The following SLC30A8 variants were observed in gnomAD, a reference collection of about 807,000 sequenced individuals.
SLC30A8 encodes the protein proton-coupled zinc antiporter SLC30A8.
SLC30A8 carries 27 observed loss-of-function variants against 36.9 expected under a neutral mutation model. That is an observed-to-expected ratio of 0.73 (90% CI 0.54 to 1.01). The LOEUF is 1.01. Ranked by LOEUF, SLC30A8 falls within the 50% of genes least tolerant of loss-of-function variation. The pLI is 0.00. For synonymous variants in SLC30A8, 164 were observed against 172.4 expected (o/e 0.95, Z 0.38); for missense variants, 439 against 452.0 (o/e 0.97, Z 0.26).
chr8:117,085,492 A>C (rs1457089641), intron 2 of SLC30A8, among the ~76,000 whole-genome samples: 1 of 152,332 alleles, frequency 6.6e-6, no homozygotes, highest in East Asian at 1.9e-4. Flanking sequence ...AGAATTATTC[A>C]ACTCTGAAGC....
chr8:117,162,617 T>G (rs1219207920), intron 5 of SLC30A8, among the ~76,000 whole-genome samples: 1 of 152,196 alleles, frequency 6.6e-6, no homozygotes. Flanking sequence ...ATTGTCTGAT[T>G]TGCAGAGACT....
intron 7 of SLC30A8, among the ~76,000 whole-genome samples, chr8:117,171,422 G>A (rs907937863): frequency 1.1e-4 from 17 of 152,102 alleles, no homozygotes; most frequent in African/African-American, 4.8e-5. Flanking sequence ...AAATGCACCC[G>A]CCACTTCAAG....
chr8:117,145,998 G>A lies in SLC30A8; in HGVS notation c.72-956G>A, dbSNP rs542897590. Among the ~76,000 whole-genome samples the A allele has an allele frequency of 1.7e-3, 253 of 152,238 alleles. 3 individuals carry two copies. Among genetic ancestry groups the A allele is most frequent in the African/African-American group, 5.9e-3 (244 of 41,548 alleles). On this transcript the variant is annotated intron_variant, in intron 1 of 7. Transcript: ENST00000456015. Reference sequence around the variant, plus strand: ...GAGGAGGAAGGTATGAAGCAAGGTTGATTAATGGGTACAAATGTATGATTT... The same window carrying A: ...GAGGAGGAAGGTATGAAGCAAGGTTAATTAATGGGTACAAATGTATGATTT...
chr8:117,031,244 A>C (rs1817034482), intron 1 of SLC30A8, among the ~76,000 whole-genome samples: 1 of 152,192 alleles, frequency 6.6e-6, no homozygotes, highest in Admixed American at 6.5e-5. Context: ...TAATCTTCCC[A>C]AAATCCTACA....
intron 1 of SLC30A8, chr8:117,146,733 TTGAC>T (rs1821913355): frequency 2.8e-6 from 3 of 1,079,598 alleles, no homozygotes; most frequent in Non-Finnish European, 2.5e-6. Context: ...GAATAAGAGT[TTGAC>T]TGAATAAAAG....
intron 1 of SLC30A8, among the ~76,000 whole-genome samples, chr8:117,027,151 C>T (rs1816902027): frequency 6.6e-6 from 1 of 152,108 alleles, no homozygotes; most frequent in Non-Finnish European, 1.5e-5. Flanking sequence ...CTGGCTGGGC[C>T]ATCATCCAAA....
At position 117,078,171 on chromosome 8, in the gene SLC30A8, A is replaced by AAGGC. The variant is rs1180681270; in HGVS notation, c.-226+38916_-226+38919dup. The stretch of plus-strand genomic sequence containing the variant: ...ATATAATATAAAAATTCTAAGTGAT[A>AAGGC]AGGCAGTCTTAGGTTATAGTTTAAT... On this transcript the variant is annotated intron_variant, in intron 2 of 10. Transcript: ENST00000427715. 1.3e-5 allele frequency among the ~76,000 whole-genome samples: 2 copies of AAGGC among 152,248 alleles called. 1 individual carries two copies. Among genetic ancestry groups the AAGGC allele is most frequent in the Non-Finnish European group, 2.9e-5 (2 of 68,042 alleles).
chr8:117,121,511 C>G (rs1444813255), intron 2 of SLC30A8, among the ~76,000 whole-genome samples: 1 of 151,906 alleles, frequency 6.6e-6, no homozygotes, highest in Non-Finnish European at 1.5e-5. Context: ...GTTGTGTCCT[C>G]ACATGATTCT....
chr8:117,000,727 T>C (rs1815982156), intron 1 of SLC30A8, among the ~76,000 whole-genome samples: 1 of 152,172 alleles, frequency 6.6e-6, no homozygotes, highest in African/African-American at 2.4e-5. Context: ...TTGTTCTAAG[T>C]GGTTTAATAG....
chr8:117,075,506 C>T (rs1170111078), intron 2 of SLC30A8, among the ~76,000 whole-genome samples: 1 of 152,204 alleles, frequency 6.6e-6, no homozygotes, highest in Non-Finnish European at 1.5e-5. Context: ...ATACCAACAA[C>T]TTCCTTTCCT....
chr8:117,168,027 A>G (rs1823151292), intron 6 of SLC30A8, among the ~76,000 whole-genome samples: 1 of 152,126 alleles, frequency 6.6e-6, no homozygotes, highest in Non-Finnish European at 1.5e-5. Flanking sequence ...TCCCATTTGT[A>G]AAACCATCAG....
intron 3 of SLC30A8, among the ~76,000 whole-genome samples, chr8:117,155,626 G>A (rs17813200): frequency 2.0e-5 from 3 of 152,076 alleles, no homozygotes; most frequent in South Asian, 4.2e-4. Flanking sequence ...GAATGAGGTC[G>A]GGGAAATAAT....
intron 2 of SLC30A8, among the ~76,000 whole-genome samples, chr8:117,049,936 C>G (rs569261764): frequency 3.9e-5 from 6 of 152,304 alleles, no homozygotes; most frequent in African/African-American, 1.4e-4. Flanking sequence ...CATCTGGGAT[C>G]TATTTTAAAG....
intron 1 of SLC30A8, among the ~76,000 whole-genome samples, chr8:116,970,099 T>G (rs929885795): frequency 6.6e-6 from 1 of 152,090 alleles, no homozygotes; most frequent in Non-Finnish European, 1.5e-5. Flanking sequence ...AAATATTTTC[T>G]TTATATTCTT....
At chr8:117,079,865 T>C (rs1818609665) in intron 2 of SLC30A8, among the ~76,000 whole-genome samples, 1 of 152,210 alleles carries the variant, frequency 6.6e-6, no homozygotes, top group South Asian at 2.1e-4. Context: ...GTCAATTCTT[T>C]TTTGTTTAGA....
At chr8:117,112,733 A>G (rs568134366) in intron 2 of SLC30A8, among the ~76,000 whole-genome samples, 2 of 152,298 alleles carry the variant, frequency 1.3e-5, no homozygotes, top group Non-Finnish European at 2.9e-5. Flanking sequence ...ATGCAATTGC[A>G]TAAGAAAATG....
intron 2 of SLC30A8, among the ~76,000 whole-genome samples, chr8:117,054,098 C>CTTTTTT (rs4060800): frequency 0.025 from 3,124 of 123,874 alleles, 236 homozygotes; most frequent in African/African-American, 0.088. Context: ...CTGCAAAAAT[C>CTTTTTT]TTTTTTTTTT....
intron 6 of SLC30A8, among the ~76,000 whole-genome samples, chr8:117,168,797 T>A (rs1433064547): frequency 6.6e-6 from 1 of 152,156 alleles, no homozygotes; most frequent in African/African-American, 2.4e-5. Context: ...TAGACTCTAG[T>A]ATTTGCGTAA....
chr8:116,975,146 A>G (rs1390633461), intron 1 of SLC30A8, among the ~76,000 whole-genome samples: 1 of 152,122 alleles, frequency 6.6e-6, no homozygotes, highest in Non-Finnish European at 1.5e-5. Context: ...TATGTAACAA[A>G]CCTGCACATT....
Sources: gnomAD v4.1 joint callset for allele counts (sites outside exome capture counted in the v4.1 genomes callset) on GRCh38, gnomAD v4.1.1 for gene constraint, MANE v1.5 for transcripts, NCBI Gene and HGNC (gene_info 2026-07-23, HGNC 2026-07-21) for gene names.